The following EYS variants were observed in gnomAD, a reference collection of about 807,000 sequenced individuals.
The protein encoded by EYS is EGF-like photoreceptor maintenance factor, also known as protein eyes shut homolog.
EYS carries 250 observed loss-of-function variants against 282.1 expected under a neutral mutation model. That is an observed-to-expected ratio of 0.89 (90% CI 0.80 to 0.98). EYS has a LOEUF of 0.98. Ranked by LOEUF, EYS falls within the 50% of genes least tolerant of loss-of-function variation. The pLI, the probability that EYS is intolerant of heterozygous loss-of-function variation, is 0.00. For synonymous variants in EYS, 1,355 were observed against 1,282.9 expected (o/e 1.06, Z -1.20); for missense variants, 4,016 against 3,709.0 (o/e 1.08, Z -2.15).
intron 22 of EYS, among the ~76,000 whole-genome samples, chr6:64,687,965 G>C (rs887290451): frequency 7.9e-5 from 12 of 152,060 alleles, no homozygotes; most frequent in African/African-American, 2.9e-4. Context: ...GGGTGTATGT[G>C]TCCAGGAATT....
At chr6:63,778,236 A>G in intron 39 of EYS, 56 bp from the exon 40 acceptor site, 1 of 1,488,094 alleles carries the variant, frequency 6.7e-7, no homozygotes, top group Non-Finnish European at 9.2e-7. Flanking sequence ...AGAAAAAACA[A>G]GAAGAAGGTT....
intron 2 of EYS, among the ~76,000 whole-genome samples, chr6:65,548,997 C>T (rs1768499585): frequency 6.6e-6 from 1 of 152,108 alleles, no homozygotes; most frequent in Non-Finnish European, 1.5e-5. Flanking sequence ...GATCATCAGG[C>T]ATTAGATCCC....
intron 14 of EYS, among the ~76,000 whole-genome samples, chr6:64,957,163 A>G (rs1769737610): frequency 6.6e-6 from 1 of 152,188 alleles, no homozygotes; most frequent in South Asian, 2.1e-4. Flanking sequence ...CAAGACTTGC[A>G]AGCAACCTAA....
intron 12 of EYS, among the ~76,000 whole-genome samples, chr6:65,105,526 G>T (rs1258922853): frequency 6.6e-6 from 1 of 151,672 alleles, no homozygotes; most frequent in South Asian, 2.1e-4. Context: ...CTTCGACCAC[G>T]CATTTTACAG....
chr6:65,252,362 C>A (rs1212648043), intron 12 of EYS, among the ~76,000 whole-genome samples: 1 of 151,910 alleles, frequency 6.6e-6, no homozygotes, highest in African/African-American at 2.4e-5. Context: ...TGATGGCAAA[C>A]ACTTAGGATA....
At chr6:64,737,152 A>G (rs1355627517) in intron 22 of EYS, among the ~76,000 whole-genome samples, 3 of 152,220 alleles carry the variant, frequency 2.0e-5, no homozygotes, top group Non-Finnish European at 4.4e-5. Context: ...TTTTTGTGAT[A>G]GAAATCTTAT....
chr6:65,556,387 T>TTGTGTGTGTGTGTGTGTGTGTGTG (rs10602177), intron 2 of EYS, among the ~76,000 whole-genome samples: 67 of 148,926 alleles, frequency 4.5e-4, no homozygotes, highest in East Asian at 2.4e-3. Context: ...ACTGCTGGGT[T>TTGTGTGTGTGTGTGTGTGTGTGTG]TGTGTGTGTG....
At chr6:65,559,279 G>T (rs1768939020) in intron 2 of EYS, among the ~76,000 whole-genome samples, 1 of 152,138 alleles carries the variant, frequency 6.6e-6, no homozygotes, top group Non-Finnish European at 1.5e-5. Flanking sequence ...ATACTACAAA[G>T]GCTGAGGCAC....
chr6:64,674,164 G>T (rs1385177697), intron 22 of EYS, among the ~76,000 whole-genome samples: 2 of 152,046 alleles, frequency 1.3e-5, no homozygotes, highest in Non-Finnish European at 2.9e-5. Flanking sequence ...ACTGAGAATA[G>T]ATCTTATCAT....
intron 28 of EYS, among the ~76,000 whole-genome samples, chr6:64,427,906 A>C (rs1774457915): frequency 6.6e-6 from 1 of 152,270 alleles, no homozygotes; most frequent in South Asian, 2.1e-4. Flanking sequence ...AATAATGATT[A>C]TTCTAAATGT....
intron 22 of EYS, among the ~76,000 whole-genome samples, chr6:64,797,189 A>ACCCGGGAAGCGGAGCTTGCAGTG: frequency 6.6e-6 from 1 of 152,244 alleles, no homozygotes; most frequent in East Asian, 1.9e-4. Flanking sequence ...TGACCAAGAA[A>ACCCGGGAAGCGGAGCTTGCAGTG]AGAAGTAATG....
At chr6:64,568,617 C>A (rs926779239) in intron 26 of EYS, among the ~76,000 whole-genome samples, 2 of 152,152 alleles carry the variant, frequency 1.3e-5, no homozygotes, top group African/African-American at 2.4e-5. Flanking sequence ...CCCAGCACAG[C>A]GCTTGAGCTC....
At chr6:65,333,568 T>C (rs1769873234) in intron 11 of EYS, among the ~76,000 whole-genome samples, 1 of 151,722 alleles carries the variant, frequency 6.6e-6, no homozygotes, top group Non-Finnish European at 1.5e-5. Context: ...TATAGTGTTG[T>C]TTGAATCTCC....
chr6:64,970,322 C>T (rs1001410517), intron 14 of EYS, among the ~76,000 whole-genome samples: 2 of 152,176 alleles, frequency 1.3e-5, no homozygotes, highest in South Asian at 2.1e-4. Context: ...TCATACATCC[C>T]GAGTAGCTGG....
rs58326040 is a variant in EYS, at chr6:65,506,460, C to CTTTTTTTTTT, written c.-332-10477_-332-10468dup. Among the ~76,000 whole-genome samples, 115 of 64,890 alleles carry CTTTTTTTTTT rather than the reference C, an allele frequency of 1.8e-3. 8 individuals are homozygous for CTTTTTTTTTT. The highest frequency in any genetic ancestry group is 2.1e-3 in the African/African-American group (35 of 16,410). The allele number at this position is 64,890 out of a possible 152,430, so 42.6% of individuals were successfully genotyped here. On this transcript the variant is annotated intron_variant, in intron 2 of 42. Transcript: ENST00000503581. ...GGTTTACAATATCCTTCCTTCCTTT[C>CTTTTTTTTTT]TTTTTTTTTTTTTTTTTTTTTTTTT...
At chr6:65,430,384 T>C (rs62407677) in intron 5 of EYS, among the ~76,000 whole-genome samples, 10 of 152,120 alleles carry the variant, frequency 6.6e-5, no homozygotes, top group Non-Finnish European at 8.8e-5. Flanking sequence ...ATCCCAGCAG[T>C]CCTGACTTGA....
intron 13 of EYS, among the ~76,000 whole-genome samples, chr6:65,031,586 C>A (rs1583416875): frequency 6.6e-6 from 1 of 152,024 alleles, no homozygotes; most frequent in Admixed American, 6.6e-5. Context: ...TCTCTCAAAA[C>A]CATACAATTA....
intron 1 of EYS, among the ~76,000 whole-genome samples, chr6:65,687,070 C>G (rs572311435): frequency 6.6e-6 from 1 of 151,972 alleles, no homozygotes; most frequent in Non-Finnish European, 1.5e-5. Flanking sequence ...AGACTAGTTT[C>G]ACGCATGAGT....
chr6:65,010,867 A>C (rs1457933472), intron 13 of EYS, among the ~76,000 whole-genome samples: 1 of 152,236 alleles, frequency 6.6e-6, no homozygotes, highest in Admixed American at 6.5e-5. Context: ...TTAGGAGATT[A>C]TTATTGGCTG....
Sources: allele counts gnomAD v4.1 joint callset (sites outside exome capture counted in the v4.1 genomes callset), GRCh38; gene constraint gnomAD v4.1.1; transcripts MANE v1.5; gene names NCBI Gene and HGNC (gene_info 2026-07-23, HGNC 2026-07-21).